Variants in SLC12A6 observed in about 807,000 individuals in gnomAD.
SLC12A6 encodes the protein solute carrier family 12 member 6, also known as K-Cl cotransporter 3.
In SLC12A6, 66 loss-of-function variants were observed where a neutral mutation model predicts 135.3. That is an observed-to-expected ratio of 0.49 (90% CI 0.40 to 0.60). The LOEUF is 0.60. SLC12A6 is among the 20% of genes least tolerant of loss of function. The pLI is 0.00. For synonymous variants in SLC12A6, 513 were observed against 508.8 expected (o/e 1.01, Z -0.11); for missense variants, 1,058 against 1,452.3 (o/e 0.73, Z 4.41).
At chr15:34,335,252 C>T (rs1890123411) in intron 2 of SLC12A6, among the ~76,000 whole-genome samples, 2 of 152,120 alleles carry the variant, frequency 1.3e-5, no homozygotes, top group African/African-American at 2.4e-5. Flanking sequence ...AATGATTAGT[C>T]AAGGATGAGT....
chr15:34,258,742 G>T, intron 5 of SLC12A6, 71 bp downstream of exon 5: 1 of 1,264,232 alleles, frequency 7.9e-7, no homozygotes, highest in Non-Finnish European at 1.2e-6. Context: ...ACAGAATGGT[G>T]CCTTAGGTAT....
intron 9 of SLC12A6, among the ~76,000 whole-genome samples, chr15:34,252,961 G>C (rs1892496362): frequency 6.6e-6 from 1 of 152,152 alleles, no homozygotes. Flanking sequence ...AGAATTAAAA[G>C]GCAGATCCCT....
chr15:34,329,624 A>G (rs1889705414), intron 2 of SLC12A6, among the ~76,000 whole-genome samples: 1 of 152,180 alleles, frequency 6.6e-6, no homozygotes, highest in South Asian at 2.1e-4. Flanking sequence ...AAAGACAAGA[A>G]GTTGAGGTAA....
chr15:34,241,238 GT>G lies in SLC12A6; in HGVS notation c.2261del (p.Asn754ThrfsTer10). ...GCTAGTGTTGATTTCTTTACCTCCA[GT>G]TTTTAGTGTGTGGAGGTCCTTCCTC... ...RLEEGPPHTK[N>X]WRPQLLVLLK... On this transcript the variant is annotated frameshift_variant, in exon 18 of 26. Coordinates refer to ENST00000354181, the MANE Select transcript of SLC12A6 (RefSeq NM_001365088.1). LOFTEE classifies it high-confidence loss of function. The G allele has an allele frequency of 1.3e-6, 2 of 1,552,926 alleles. No homozygotes were observed. Among genetic ancestry groups the G allele is most frequent in the Non-Finnish European group, 1.8e-6 (2 of 1,124,194 alleles).
At chr15:34,311,389 T>C (rs1471185960) in intron 2 of SLC12A6, among the ~76,000 whole-genome samples, 1 of 152,244 alleles carries the variant, frequency 6.6e-6, no homozygotes, top group African/African-American at 2.4e-5. Flanking sequence ...AATAAATGAA[T>C]GAATGGAAAT....
chr15:34,310,751 G>A (rs1888179300), intron 2 of SLC12A6, among the ~76,000 whole-genome samples: 1 of 117,602 alleles, frequency 8.5e-6, no homozygotes, highest in Non-Finnish European at 1.7e-5. Context: ...CCAGGCTGGT[G>A]TTGAACTCCT....
intron 17 of SLC12A6, among the ~76,000 whole-genome samples, chr15:34,241,862 A>AATT (rs1566804355): frequency 6.6e-6 from 1 of 152,180 alleles, no homozygotes; most frequent in South Asian, 2.1e-4. Context: ...GTTTAGTACT[A>AATT]ATTATTATTA....
In SLC12A6 at chr15:34,229,809, G is replaced by T. The variant is rs956657172; in HGVS notation, c.*4072C>A. The T allele has an allele frequency of 6.8e-6, 11 of 1,612,212 alleles. No individual in the cohort carries two copies. The Admixed American group carries it at 1.7e-4, about 24-fold the overall frequency. ...TGTGAACATGAGAAAGCAGCGCCTGGTCCCTATGTATTTGGGTCTTATTTA... is the reference window on the plus strand; with the variant it reads ...TGTGAACATGAGAAAGCAGCGCCTGTTCCCTATGTATTTGGGTCTTATTTA... On this transcript the variant is annotated 3_prime_UTR_variant, in exon 26 of 26. Transcript: ENST00000354181.
chr15:34,242,306 T>C (rs1379422774), intron 16 of SLC12A6, 85 bp from the exon 17 acceptor site: 2 of 948,232 alleles, frequency 2.1e-6, no homozygotes, highest in African/African-American at 3.3e-5. Context: ...CTATCTGTGG[T>C]GAGGTATTAT....
chr15:34,267,232 C>T (rs1893587296), intron 3 of SLC12A6, among the ~76,000 whole-genome samples: 1 of 139,340 alleles, frequency 7.2e-6, no homozygotes, highest in African/African-American at 2.6e-5. Context: ...CCAGTAGTCT[C>T]TTTTTAAAAA....
intron 2 of SLC12A6, among the ~76,000 whole-genome samples, chr15:34,300,332 ACT>A (rs1198939471): frequency 6.6e-6 from 1 of 152,288 alleles, no homozygotes; most frequent in African/African-American, 2.4e-5. Context: ...AAGCATTTTA[ACT>A]CTGTAAGGAT....
chr15:34,239,497 G>A (rs1046297364), intron 19 of SLC12A6, among the ~76,000 whole-genome samples: 2 of 152,124 alleles, frequency 1.3e-5, no homozygotes, highest in African/African-American at 4.8e-5. Context: ...GTTGACCAGG[G>A]TGATTCACTA....
chr15:34,236,305 T>C, intron 23 of SLC12A6, 106 bp from the exon 24 acceptor site: 1 of 834,954 alleles, frequency 1.2e-6, no homozygotes, highest in Non-Finnish European at 2.0e-6. Flanking sequence ...ACTGACAGAG[T>C]GAGAAGGAAT....
rs533500245 is a variant in SLC12A6, at chr15:34,245,937, C to T, written c.1650-70G>A. On this transcript the variant is annotated intron_variant, in intron 13 of 25. Transcript: ENST00000354181. ...TAGACTGAAAGACTAGAGATATTCACCCAATTTTTTTTTGAGACAGAATCT... is the reference window on the plus strand; with the variant it reads ...TAGACTGAAAGACTAGAGATATTCATCCAATTTTTTTTTGAGACAGAATCT... 1,100 of 1,271,686 alleles carry T rather than the reference C, an allele frequency of 8.6e-4. 19 individuals carry two copies. The South Asian group carries it at 0.013, about 15-fold the overall frequency. 78.8% of individuals were successfully genotyped at this position (1,271,686 alleles called of 1,614,324 possible).
At position 34,336,736 on chromosome 15, in the gene SLC12A6, A is replaced by T; in HGVS notation, c.-56T>A. The T allele has an allele frequency of 7.0e-7, 1 of 1,425,780 alleles. No individual in the cohort carries two copies. The highest frequency in any genetic ancestry group is 9.9e-7 in the Non-Finnish European group (1 of 1,008,572). 88.3% of individuals were successfully genotyped at this position (1,425,780 alleles called of 1,614,324 possible). ...GGGAACCTCGCAAAATCTTCCTCTTACGCTAGCTACTTTTGACTGCAATAC... is the reference window on the plus strand; with the variant it reads ...GGGAACCTCGCAAAATCTTCCTCTTTCGCTAGCTACTTTTGACTGCAATAC... On this transcript the variant is annotated 5_prime_UTR_variant, in exon 2 of 26. Coordinates refer to ENST00000354181, the MANE Select transcript of SLC12A6 (RefSeq NM_001365088.1).
Position 34,251,059 on chromosome 15 carries a change from T to C in SLC12A6, c.1334-2A>G. ...GTAGGTAATTACTCCAAAGATTCTC[T>C]GCAGTGGGAAAAATGGGAATTTAAG... On this transcript the variant is annotated splice_acceptor_variant, in intron 10 of 25. Coordinates refer to ENST00000354181, the MANE Select transcript of SLC12A6 (RefSeq NM_001365088.1). LOFTEE classifies it high-confidence loss of function. 2 of 1,600,092 alleles carry C rather than the reference T, an allele frequency of 1.2e-6. No homozygotes were observed. The highest frequency in any genetic ancestry group is 1.7e-6 in the Non-Finnish European group (2 of 1,168,182).
chr15:34,250,313 A>G lies in SLC12A6; in HGVS notation c.1634T>C (p.Val545Ala), dbSNP rs752321278. ...CATTACTCACTTGTCTCTGAGAACA[A>G]CCCCTTCAATACATGCACCAAAAAG... is the stretch of plus-strand genomic sequence containing the variant. Reference protein sequence around the residue: ...VVLFGACIEGVVLRDKFGDAV... With the variant: ...VVLFGACIEGAVLRDKFGDAV... The change falls in exon 13 of 26, where the codon GTT (valine) becomes GCT (alanine). Residue 545 changes from valine to alanine, a missense_variant. Val to Ala is a moderately conservative substitution (Grantham distance 64). Transcript: ENST00000354181. The G allele has an allele frequency of 1.9e-6, 3 of 1,576,156 alleles. No homozygotes were observed. The highest frequency in any genetic ancestry group is 1.7e-6 in the Non-Finnish European group (2 of 1,145,432).
At chr15:34,238,916 A>G (rs376169931) in intron 20 of SLC12A6, 49 bp downstream of exon 20, 5 of 1,473,950 alleles carry the variant, frequency 3.4e-6, no homozygotes, top group African/African-American at 2.8e-5. Context: ...AGATTTAACT[A>G]TATACCCTCG....
intron 6 of SLC12A6, among the ~76,000 whole-genome samples, chr15:34,256,937 G>C (rs998181685): frequency 2.0e-5 from 3 of 152,114 alleles, no homozygotes; most frequent in Non-Finnish European, 4.4e-5. Context: ...ACAGCCTTGA[G>C]GTTTTAAGCC....
Sources: allele counts gnomAD v4.1 joint callset (sites outside exome capture counted in the v4.1 genomes callset), GRCh38; gene constraint gnomAD v4.1.1; transcripts MANE v1.5; gene names NCBI Gene and HGNC (gene_info 2026-07-23, HGNC 2026-07-21).